MORC2: variants seen among roughly 807,000 people sequenced by gnomAD.
The protein encoded by MORC2 is MORC family CW-type zinc finger 2.
MORC2 carries 30 observed loss-of-function variants against 136.0 expected under a neutral mutation model. The ratio of observed to expected loss-of-function variants is 0.22; its 90% CI spans 0.17 to 0.30. MORC2 has a LOEUF of 0.30. Among genes scored for constraint, MORC2 ranks in the 10% least tolerant of loss-of-function variants. The probability of loss-of-function intolerance (pLI) is 1.00; values close to 1 mark genes in which losing one functional copy is unlikely to be tolerated. For synonymous variants in MORC2, 439 were observed against 487.0 expected (o/e 0.90, Z 1.30); for missense variants, 922 against 1,333.1 (o/e 0.69, Z 4.80).
At chr22:30,956,938 T>A in intron 2 of MORC2, 141 bp from the exon 3 acceptor site, 1 of 628,252 alleles carries the variant, frequency 1.6e-6, no homozygotes, top group South Asian at 2.9e-5. Flanking sequence ...ATTTAGAATT[T>A]TTTTTACTTT....
intron 1 of MORC2, 139 bp downstream of exon 1, chr22:30,967,683 A>AAG: frequency 2.0e-6 from 3 of 1,472,052 alleles, no homozygotes; most frequent in Non-Finnish European, 2.7e-6. Flanking sequence ...TACAGAGCTC[A>AAG]AGATATCCAG....
intron 25 of MORC2, 86 bp downstream of exon 25, chr22:30,927,933 T>A: frequency 6.6e-7 from 1 of 1,508,436 alleles, no homozygotes; most frequent in Non-Finnish European, 9.1e-7. Flanking sequence ...AGTGGATAGA[T>A]TCTTGTGAGA....
Position 30,941,585 on chromosome 22 carries a change from C to T in MORC2, c.699-27G>A. 6.2e-7 allele frequency: 1 copy of T among 1,605,418 alleles called. No individual in the cohort carries two copies. The highest frequency in any genetic ancestry group is 8.5e-7 in the Non-Finnish European group (1 of 1,173,734). ...TGGAGAGGGCAAAAACAGAGAAGTG[C>T]TGTCACCTGCTCCACAACAGGCCTG... On this transcript the variant is annotated intron_variant, in intron 8 of 25. Transcript: ENST00000397641. The surrounding 1 kb of genome is among the most constrained non-coding windows in gnomAD (Gnocchi z 4.6).
At position 30,940,853 on chromosome 22, in the gene MORC2, A is replaced by G; in HGVS notation, c.825-16T>C. 1 of 1,612,636 alleles carries G rather than the reference A, an allele frequency of 6.2e-7. No individual in the cohort carries two copies. The highest frequency in any genetic ancestry group is 2.2e-5 in the East Asian group (1 of 44,866). On this transcript the variant is annotated splice_polypyrimidine_tract_variant and intron_variant, in intron 9 of 25. Transcript: ENST00000397641. ...CTTGTACATCCTGATCAGTAGAAAA[A>G]GCAAGCTGATGGCCCACGCAGCAGT...
rs139063703 is a variant in MORC2, at chr22:30,925,171, G to A, written c.*1632C>T. The A allele has an allele frequency of 1.2e-4, 38 of 310,240 alleles. No individual in the cohort carries two copies. The East Asian group carries it at 1.5e-3, about 12-fold the overall frequency. The allele number at this position is 310,240 out of a possible 1,614,324, so 19.2% of individuals were successfully genotyped here. Reference sequence around the variant, plus strand: ...GTAGAACTTTATAGTATTGCGTTTCGATTACATGTGTGTGAATTTTAAAAA... The same window carrying A: ...GTAGAACTTTATAGTATTGCGTTTCAATTACATGTGTGTGAATTTTAAAAA... On this transcript the variant is annotated 3_prime_UTR_variant, in exon 26 of 26. Coordinates refer to ENST00000397641, the MANE Select transcript of MORC2 (RefSeq NM_001303256.3).
chr22:30,959,817 G>A (rs900733949), intron 1 of MORC2, among the ~76,000 whole-genome samples: 3 of 152,152 alleles, frequency 2.0e-5, no homozygotes, highest in African/African-American at 7.2e-5. Context: ...TATATCAATA[G>A]TAAATAACCA....
chr22:30,955,867 G>A (rs530159985), intron 3 of MORC2, among the ~76,000 whole-genome samples: 7 of 151,980 alleles, frequency 4.6e-5, no homozygotes, highest in South Asian at 4.2e-4. Flanking sequence ...AAAATTAGCC[G>A]GGTGTGGTGG....
intron 1 of MORC2, among the ~76,000 whole-genome samples, chr22:30,962,476 T>G (rs1410499309): frequency 6.6e-6 from 1 of 151,926 alleles, no homozygotes; most frequent in African/African-American, 2.4e-5. Flanking sequence ...ACACCTGTAG[T>G]TCCAGCTACT....
intron 16 of MORC2, 112 bp downstream of exon 16, chr22:30,936,820 T>C (rs750846445): frequency 5.1e-5 from 66 of 1,300,050 alleles, no homozygotes; most frequent in Non-Finnish European, 6.6e-5. Flanking sequence ...TCTTGGGCAG[T>C]TATTAGGTGT....
rs1297567525 is a variant in MORC2, at chr22:30,932,319, G to T, written c.2841+40C>A. On this transcript the variant is annotated intron_variant, in intron 24 of 25. Coordinates refer to ENST00000397641, the MANE Select transcript of MORC2 (RefSeq NM_001303256.3). The surrounding 1 kb of genome is among the most constrained non-coding windows in gnomAD (Gnocchi z 4.4). ...CAACAAATGCAGGGGCAGGGGTGGG[G>T]GAATGAAGAGTGTGGAATCGAAGGT... 6.7e-7 allele frequency: 1 copy of T among 1,485,200 alleles called. No homozygotes were observed. The highest frequency in any genetic ancestry group is 1.8e-5 in the Admixed American group (1 of 56,808). 92.0% of individuals were successfully genotyped at this position (1,485,200 alleles called of 1,614,324 possible). A position where few individuals can be genotyped will look rare whatever the true frequency, so the allele number is the denominator to read the frequency against.
At position 30,932,328 on chromosome 22, in the gene MORC2, AGT is replaced by A. The variant is rs1274090680; in HGVS notation, c.2841+29_2841+30del. 3 of 1,524,100 alleles carry A rather than the reference AGT, an allele frequency of 2.0e-6. No homozygotes were observed. Among genetic ancestry groups the A allele is most frequent in the Admixed American group, 1.7e-5 (1 of 57,426 alleles). The allele number at this position is 1,524,100 out of a possible 1,614,324, so 94.4% of individuals were successfully genotyped here. On this transcript the variant is annotated intron_variant, in intron 24 of 25. Transcript: ENST00000397641. The surrounding 1 kb of genome is among the most constrained non-coding windows in gnomAD (Gnocchi z 4.4). Reference sequence around the variant, plus strand: ...CAGGGGCAGGGGTGGGGGAATGAAGAGTGTGGAATCGAAGGTCAGGCCAGACT... The same window carrying A: ...CAGGGGCAGGGGTGGGGGAATGAAGAGTGGAATCGAAGGTCAGGCCAGACT...
chr22:30,940,101 T>C, intron 10 of MORC2, 60 bp from the exon 11 acceptor site: 1 of 1,533,538 alleles, frequency 6.5e-7, no homozygotes, highest in South Asian at 1.1e-5. Context: ...TGGTCATCCC[T>C]CCTGGATCCA....
chr22:30,960,914 G>C (rs1243205314), intron 1 of MORC2, among the ~76,000 whole-genome samples: 1 of 151,336 alleles, frequency 6.6e-6, no homozygotes, highest in Non-Finnish European at 1.5e-5. Flanking sequence ...GCCCAGGCTG[G>C]AGTGCAAGCG....
Position 30,925,337 on chromosome 22 carries a change from C to T in MORC2, c.*1466G>A. ...GAGGAATCACCAGCTCAAGAAACCC[C>T]AAGACTTGGACAGTCTTCCAGCAGA... On this transcript the variant is annotated 3_prime_UTR_variant, in exon 26 of 26. Transcript: ENST00000397641. 3.9e-6 allele frequency: 1 copy of T among 255,166 alleles called. No individual in the cohort carries two copies. Among genetic ancestry groups the T allele is most frequent in the Non-Finnish European group, 7.7e-6 (1 of 130,144 alleles). 15.8% of individuals were successfully genotyped at this position (255,166 alleles called of 1,614,324 possible).
Position 30,925,147 on chromosome 22 carries a change from T to C in MORC2, c.*1656A>G. 2 of 347,198 alleles carry C rather than the reference T, an allele frequency of 5.8e-6. No individual in the cohort carries two copies. The highest frequency in any genetic ancestry group is 2.2e-5 in the South Asian group (1 of 44,604). 21.5% of individuals were successfully genotyped at this position (347,198 alleles called of 1,614,324 possible). ...AGACTGAGTTCAGGAGTCTCACCAG[T>C]AGAACTTTATAGTATTGCGTTTCGA... On this transcript the variant is annotated 3_prime_UTR_variant, in exon 26 of 26. Transcript: ENST00000397641.
Position 30,937,615 on chromosome 22 carries a change from C to T in MORC2, c.1466G>A (p.Arg489Lys), listed in dbSNP as rs1602485184. 6.2e-7 allele frequency: 1 copy of T among 1,613,366 alleles called. No homozygotes were observed. The highest frequency in any genetic ancestry group is 8.5e-7 in the Non-Finnish European group (1 of 1,180,016). The change falls in exon 15 of 26, where the codon AGA becomes AAA. Residue 489 changes from arginine to lysine, a missense_variant. Arg to Lys is a conservative substitution (Grantham distance 26). Around this residue, in one of 9 missense-constraint regions of MORC2, gnomAD observed 119 missense variants for 202.7 expected, o/e 0.59. Coordinates refer to ENST00000397641, the MANE Select transcript of MORC2 (RefSeq NM_001303256.3). This position sits in a 1 kb window ranked among gnomAD's most constrained non-coding sequence, Gnocchi z 4.7. Reference sequence around the variant, plus strand: ...GATGGTGGTGGGGATTTCCATAGCTCTCCGGCGTTTGTAACGCAGCTCACT... The same window carrying T: ...GATGGTGGTGGGGATTTCCATAGCTTTCCGGCGTTTGTAACGCAGCTCACT... Reference protein sequence around the residue: ...PSSELRYKRRRAMEIPTTIQC... With the variant: ...PSSELRYKRRKAMEIPTTIQC...
At chr22:30,958,348 C>T (rs1168716629) in intron 2 of MORC2, among the ~76,000 whole-genome samples, 1 of 152,194 alleles carries the variant, frequency 6.6e-6, no homozygotes, top group Non-Finnish European at 1.5e-5. Flanking sequence ...TAATTCCTTG[C>T]ATTTTACTAC....
At chr22:30,963,693 G>C (rs947437625) in intron 1 of MORC2, among the ~76,000 whole-genome samples, 2 of 152,042 alleles carry the variant, frequency 1.3e-5, no homozygotes, top group African/African-American at 2.4e-5. Flanking sequence ...GGCTGATCAC[G>C]GCTTTTATAT....
chr22:30,954,002 T>C (rs574894752), intron 3 of MORC2, among the ~76,000 whole-genome samples: 5 of 152,290 alleles, frequency 3.3e-5, no homozygotes, highest in Admixed American at 1.3e-4. Context: ...ACAAGAACTT[T>C]ATAGTATTAA....
Sources: allele counts gnomAD v4.1 joint callset (sites outside exome capture counted in the v4.1 genomes callset), GRCh38; gene constraint gnomAD v4.1.1; regional missense constraint gnomAD v4.1.1; non-coding constraint Gnocchi (gnomAD v3.1); transcripts MANE v1.5; gene names NCBI Gene and HGNC (gene_info 2026-07-23, HGNC 2026-07-21).